Variants in UBQLN1 observed in about 807,000 individuals in gnomAD.
UBQLN1 encodes ubiquilin 1.
Under a neutral mutation model 65.4 loss-of-function variants are expected in UBQLN1, and 13 were observed. The ratio of observed to expected loss-of-function variants is 0.20; its 90% CI spans 0.13 to 0.32. UBQLN1 has a LOEUF of 0.32. UBQLN1 is among the 10% of genes least tolerant of loss of function. UBQLN1 has a pLI of 1.00. For synonymous variants in UBQLN1, 267 were observed against 247.8 expected (o/e 1.08, Z -0.73); for missense variants, 561 against 724.0 (o/e 0.77, Z 2.58).
At position 83,705,301 on chromosome 9, in the gene UBQLN1, C is replaced by G. The variant is rs191358756; in HGVS notation, c.180+2199G>C. Reference sequence around the variant, plus strand: ...TGTTGCCCAGGCTGGACTGCAATGTCGCAATCTCGGCTCACTGTAACCTCC... The same window carrying G: ...TGTTGCCCAGGCTGGACTGCAATGTGGCAATCTCGGCTCACTGTAACCTCC... On this transcript the variant is annotated intron_variant, in intron 1 of 10. Transcript: ENST00000376395. Among the ~76,000 whole-genome samples, 32 of 137,238 alleles carry G rather than the reference C, an allele frequency of 2.3e-4. No individual in the cohort carries two copies. The South Asian group carries it at 4.6e-3, about 20-fold the overall frequency. 90.0% of individuals were successfully genotyped at this position (137,238 alleles called of 152,430 possible).
rs913761025 is a variant in UBQLN1, at chr9:83,707,944, C to A, written c.-265G>T. Reference sequence around the variant, plus strand: ...TCACACCGACATCCGCAGCAGCCACCGCTTCCTCCTCCCTGCCCCTTCCCC... The same window carrying A: ...TCACACCGACATCCGCAGCAGCCACAGCTTCCTCCTCCCTGCCCCTTCCCC... On this transcript the variant is annotated 5_prime_UTR_variant, in exon 1 of 11. Transcript: ENST00000376395. The A allele has an allele frequency of 9.8e-5, 49 of 501,852 alleles. No homozygotes were observed. The highest frequency in any genetic ancestry group is 8.5e-5 in the Admixed American group (2 of 23,494). 31.1% of individuals were successfully genotyped at this position (501,852 alleles called of 1,614,324 possible).
intron 1 of UBQLN1, among the ~76,000 whole-genome samples, chr9:83,700,025 G>T (rs1171822581): frequency 6.6e-6 from 1 of 152,182 alleles, no homozygotes; most frequent in Non-Finnish European, 1.5e-5. Flanking sequence ...TGTTTTTCCT[G>T]AAGAACGGGT....
At chr9:83,662,855 G>A (rs955268153) in intron 10 of UBQLN1, among the ~76,000 whole-genome samples, 3 of 152,116 alleles carry the variant, frequency 2.0e-5, no homozygotes, top group Admixed American at 6.5e-5. Flanking sequence ...GGGTGAGATC[G>A]CTTGAGCTCA....
At chr9:83,688,627 G>T (rs1243232664) in intron 1 of UBQLN1, among the ~76,000 whole-genome samples, 1 of 151,700 alleles carries the variant, frequency 6.6e-6, no homozygotes, top group Non-Finnish European at 1.5e-5. Flanking sequence ...ACTCTGGGAG[G>T]CCGAGGCGGG....
intron 1 of UBQLN1, among the ~76,000 whole-genome samples, chr9:83,686,932 AAAATCTG>A (rs1832050280): frequency 1.3e-5 from 2 of 152,186 alleles, no homozygotes; most frequent in Non-Finnish European, 2.9e-5. Context: ...AAAAGAAAAA[AAAATCTG>A]AAATCTGAGA....
At chr9:83,692,755 G>T (rs1832149261) in intron 1 of UBQLN1, among the ~76,000 whole-genome samples, 1 of 152,140 alleles carries the variant, frequency 6.6e-6, no homozygotes, top group Admixed American at 6.5e-5. Flanking sequence ...GGGAGGCTGG[G>T]GCAGGAGAAT....
chr9:83,695,364 ATTT>A (rs1190692913), intron 1 of UBQLN1, among the ~76,000 whole-genome samples: 1 of 151,880 alleles, frequency 6.6e-6, no homozygotes, highest in Non-Finnish European at 1.5e-5. Context: ...ACACTGGCTA[ATTT>A]TTTTATTTTT....
intron 1 of UBQLN1, among the ~76,000 whole-genome samples, chr9:83,696,282 C>A (rs1230636583): frequency 6.6e-6 from 1 of 152,202 alleles, no homozygotes; most frequent in East Asian, 1.9e-4. Context: ...TCTATCACCT[C>A]TCTTATCTTT....
At chr9:83,690,863 C>T (rs1207590403) in intron 1 of UBQLN1, among the ~76,000 whole-genome samples, 2 of 152,122 alleles carry the variant, frequency 1.3e-5, no homozygotes, top group African/African-American at 4.8e-5. Context: ...TGGGAGCGGG[C>T]GCAGTGGCTC....
intron 10 of UBQLN1, among the ~76,000 whole-genome samples, chr9:83,662,965 A>G (rs1831584463): frequency 2.6e-5 from 4 of 151,336 alleles, no homozygotes; most frequent in Non-Finnish European, 5.9e-5. Flanking sequence ...AATCCCAGCT[A>G]CTCCAGAGGC....
At chr9:83,666,238 G>T in intron 8 of UBQLN1, 112 bp downstream of exon 8, 1 of 938,770 alleles carries the variant, frequency 1.1e-6, no homozygotes, top group Non-Finnish European at 1.7e-6. Context: ...AGCATTATTG[G>T]TCTCTATTCT....
intron 1 of UBQLN1, among the ~76,000 whole-genome samples, chr9:83,692,601 C>T (rs1282385611): frequency 6.6e-6 from 1 of 152,142 alleles, no homozygotes; most frequent in Non-Finnish European, 1.5e-5. Context: ...ATCTGTAATC[C>T]CAGCACTTTG....
chr9:83,668,937 T>C (rs544742112), intron 7 of UBQLN1: 160 of 412,996 alleles, frequency 3.9e-4, no homozygotes, highest in African/African-American at 3.2e-3. Context: ...TCAACATATG[T>C]AGAAACAAAC....
chr9:83,670,786 A>C (rs559168028), intron 6 of UBQLN1, among the ~76,000 whole-genome samples: 1 of 152,278 alleles, frequency 6.6e-6, no homozygotes, highest in South Asian at 2.1e-4. Context: ...TTATCAACAA[A>C]GTTTATGAAA....
intron 1 of UBQLN1, 145 bp downstream of exon 1, chr9:83,707,355 C>G: frequency 5.4e-6 from 5 of 922,056 alleles, no homozygotes; most frequent in Non-Finnish European, 7.8e-6. Flanking sequence ...AACCCACGAA[C>G]TTGGGTGTGA....
chr9:83,661,849 T>C lies in UBQLN1; in HGVS notation c.1708A>G (p.Ile570Val), dbSNP rs1831564996. 6.2e-7 allele frequency: 1 copy of C among 1,613,970 alleles called. No homozygotes were observed. Among genetic ancestry groups the C allele is most frequent in the Non-Finnish European group, 8.5e-7 (1 of 1,179,968 alleles). The change falls in exon 11 of 11, where the codon ATA (isoleucine) becomes GTA (valine). Residue 570 changes from isoleucine (I) to valine (V), a missense_variant. Physicochemically the swap from Ile to Val is conservative, Grantham distance 29. This residue lies in a region of UBQLN1 where 21 missense variants were observed against 55.7 expected (regional missense o/e 0.38). Coordinates refer to ENST00000376395, the MANE Select transcript of UBQLN1 (RefSeq NM_013438.5). ...LNREANLQALIATGGDINAAI... is the reference protein window; with the variant it reads ...LNREANLQALVATGGDINAAI... The stretch of plus-strand genomic sequence containing the variant: ...GCATTGATATCACCTCCTGTTGCTA[T>C]TAGAGCTTGCAAGTTTGCTTCACGG...
intron 10 of UBQLN1, 95 bp downstream of exon 10, chr9:83,663,780 C>A: frequency 7.4e-7 from 1 of 1,359,334 alleles, no homozygotes; most frequent in Non-Finnish European, 1.0e-6. Context: ...CTAAGAACTA[C>A]TGCTTTCCTT....
chr9:83,701,189 C>A (rs1418987776), intron 1 of UBQLN1, among the ~76,000 whole-genome samples: 1 of 151,800 alleles, frequency 6.6e-6, no homozygotes, highest in Non-Finnish European at 1.5e-5. Flanking sequence ...ACTGAATAAC[C>A]TTTAAAAATA....
chr9:83,690,877 C>T (rs1488200970), intron 1 of UBQLN1, among the ~76,000 whole-genome samples: 2 of 152,192 alleles, frequency 1.3e-5, no homozygotes, highest in Non-Finnish European at 2.9e-5. Context: ...GTGGCTCACG[C>T]TTGTAATCCC....
Sources: allele counts gnomAD v4.1 joint callset (sites outside exome capture counted in the v4.1 genomes callset), GRCh38; gene constraint gnomAD v4.1.1; regional missense constraint gnomAD v4.1.1; transcripts MANE v1.5; gene names NCBI Gene and HGNC (gene_info 2026-07-23, HGNC 2026-07-21).